The following CCDC7 variants were observed in gnomAD, a reference collection of about 807,000 sequenced individuals.
CCDC7 encodes coiled-coil domain containing 7, also known as coiled-coil domain-containing protein 7.
A neutral mutation model predicts 196.9 loss-of-function variants in CCDC7; 183 were observed. That is an observed-to-expected ratio of 0.93 (90% confidence interval 0.82 to 1.05). The LOEUF (loss-of-function observed/expected upper bound fraction) is 1.05. CCDC7 is among the 50% of genes least tolerant of loss of function. The pLI, the probability that CCDC7 is intolerant of heterozygous loss-of-function variation, is 0.00. For synonymous variants in CCDC7, 525 were observed against 484.6 expected (o/e 1.08, Z -1.10); for missense variants, 1,540 against 1,482.2 (o/e 1.04, Z -0.64).
intron 9 of CCDC7, among the ~76,000 whole-genome samples, chr10:32,495,888 T>A (rs997857039): frequency 4.6e-5 from 7 of 152,186 alleles, no homozygotes; most frequent in African/African-American, 1.7e-4. Context: ...CTTTTTTGGT[T>A]CCATATGAAT....
At chr10:32,859,095 C>A (rs1285227905) in intron 41 of CCDC7, among the ~76,000 whole-genome samples, 1 of 152,112 alleles carries the variant, frequency 6.6e-6, no homozygotes, top group East Asian at 1.9e-4. Flanking sequence ...AACTCTCCAC[C>A]CCAAATCAAC....
intron 18 of CCDC7, among the ~76,000 whole-genome samples, chr10:32,590,759 C>T (rs1250651576): frequency 3.9e-5 from 6 of 152,080 alleles, no homozygotes. Context: ...ATATAATATT[C>T]TAGGGTAAAA....
exon 1 of CCDC7, chr10:32,446,142 C>A (rs1011521378): frequency 7.9e-5 from 12 of 152,136 alleles, no homozygotes; most frequent in Admixed American, 5.9e-4. Context: ...GTGGCTTCAA[C>A]GGCCCCATCC....
chr10:32,633,260 T>C (rs953271619), intron 18 of CCDC7, among the ~76,000 whole-genome samples: 2 of 152,166 alleles, frequency 1.3e-5, no homozygotes, highest in Non-Finnish European at 2.9e-5. Context: ...TGTTCTTATG[T>C]ACACAAACAT....
chr10:32,545,284 T>C (rs1159052636), intron 13 of CCDC7, among the ~76,000 whole-genome samples: 1 of 152,212 alleles, frequency 6.6e-6, no homozygotes, highest in Non-Finnish European at 1.5e-5. Context: ...TAAAAACTAG[T>C]GATACTGATA....
chr10:32,777,240 C>T (rs1008851164), intron 28 of CCDC7, among the ~76,000 whole-genome samples: 6 of 152,122 alleles, frequency 3.9e-5, no homozygotes, highest in Admixed American at 6.5e-5. Flanking sequence ...TTTATTATTC[C>T]GTGGTATATA....
At chr10:32,795,076 G>T (rs919121972) in intron 29 of CCDC7, among the ~76,000 whole-genome samples, 4 of 152,096 alleles carry the variant, frequency 2.6e-5, no homozygotes, top group Non-Finnish European at 5.9e-5. Flanking sequence ...AATCTATTTG[G>T]TTTTCTCTGA....
intron 13 of CCDC7, among the ~76,000 whole-genome samples, chr10:32,562,720 T>C (rs1284412754): frequency 6.7e-6 from 1 of 149,872 alleles, no homozygotes; most frequent in Non-Finnish European, 1.5e-5. Flanking sequence ...ACTGGAAGCA[T>C]TCCCTTTGAA....
chr10:32,738,477 T>G, intron 28 of CCDC7, among the ~76,000 whole-genome samples: 1 of 145,288 alleles, frequency 6.9e-6, no homozygotes, highest in African/African-American at 2.6e-5. Flanking sequence ...CTTTCACTTT[T>G]TTTTTTTTTT....
intron 11 of CCDC7, among the ~76,000 whole-genome samples, chr10:32,532,169 G>T (rs539852622): frequency 6.6e-6 from 1 of 151,762 alleles, no homozygotes; most frequent in Non-Finnish European, 1.5e-5. Flanking sequence ...TAACATTGGC[G>T]TTTATTGCTA....
At position 32,734,553 on chromosome 10, in the gene CCDC7, A is replaced by G. The variant is rs188851282; in HGVS notation, c.2905+5096A>G. On this transcript the variant is annotated intron_variant, in intron 28 of 41. Coordinates refer to ENST00000639629, the Ensembl canonical transcript of CCDC7. ...AAACCTCCATGACATGAGTTTACCTATGTAACAAACATTCACAGATACCCC... is the reference window on the plus strand; with the variant it reads ...AAACCTCCATGACATGAGTTTACCTGTGTAACAAACATTCACAGATACCCC... Among the ~76,000 whole-genome samples the G allele has an allele frequency of 1.9e-3, 289 of 152,286 alleles. 1 individual carries two copies. The highest frequency in any genetic ancestry group is 2.9e-3 in the Non-Finnish European group (194 of 68,024).
intron 7 of CCDC7, among the ~76,000 whole-genome samples, chr10:32,473,264 A>G (rs1444843469): frequency 2.0e-5 from 3 of 152,314 alleles, no homozygotes; most frequent in African/African-American, 7.2e-5. Flanking sequence ...TGCAACTTTA[A>G]AGGGTGAATA....
chr10:32,497,340 C>A (rs2043074354), intron 9 of CCDC7, among the ~76,000 whole-genome samples: 1 of 152,092 alleles, frequency 6.6e-6, no homozygotes, highest in African/African-American at 2.4e-5. Context: ...TTCAAAAAAC[C>A]AGCTCCTGGA....
At chr10:32,739,793 T>A (rs1215563413) in intron 28 of CCDC7, among the ~76,000 whole-genome samples, 1 of 152,144 alleles carries the variant, frequency 6.6e-6, no homozygotes, top group Non-Finnish European at 1.5e-5. Context: ...TTAGGCTGTG[T>A]TTTCTGTTTG....
chr10:32,452,496 C>T (rs921299213), intron 1 of CCDC7, among the ~76,000 whole-genome samples: 4 of 152,202 alleles, frequency 2.6e-5, no homozygotes, highest in African/African-American at 4.8e-5. Context: ...CTCGCTCTTT[C>T]GCCCAGGCTG....
intron 33 of CCDC7, among the ~76,000 whole-genome samples, chr10:32,838,312 GC>G (rs888072948): frequency 6.6e-6 from 1 of 151,918 alleles, no homozygotes; most frequent in Non-Finnish European, 1.5e-5. Flanking sequence ...TCTCTTCCTG[GC>G]TCAAGGACAC....
intron 31 of CCDC7, 75 bp from the exon 33 acceptor site, chr10:32,824,443 T>C: frequency 1.2e-6 from 1 of 856,860 alleles, no homozygotes; most frequent in Admixed American, 2.1e-5. Context: ...ATTATGATAG[T>C]ATTAGACACA....
intron 41 of CCDC7, among the ~76,000 whole-genome samples, chr10:32,874,576 C>T (rs2136925158): frequency 6.6e-6 from 1 of 151,546 alleles, no homozygotes; most frequent in South Asian, 2.1e-4. Flanking sequence ...GAATAATGGC[C>T]TCCAGTTCCA....
chr10:32,748,705 T>G (rs2075205745), intron 28 of CCDC7, among the ~76,000 whole-genome samples: 1 of 152,160 alleles, frequency 6.6e-6, no homozygotes, highest in African/African-American at 2.4e-5. Flanking sequence ...GTTTTTTCCC[T>G]TCTTATGTGG....
Sources: allele counts gnomAD v4.1 joint callset (sites outside exome capture counted in the v4.1 genomes callset), GRCh38; gene constraint gnomAD v4.1.1; transcripts MANE v1.5; gene names NCBI Gene and HGNC (gene_info 2026-07-23, HGNC 2026-07-21).